The following NISCH variants were observed in gnomAD, a reference collection of about 807,000 sequenced individuals.
NISCH encodes the protein I-1 receptor candidate protein.
A neutral mutation model predicts 138.4 loss-of-function variants in NISCH; 55 were observed. The observed-to-expected ratio is 0.40, with a 90% confidence interval of 0.32 to 0.50. NISCH has a LOEUF of 0.50. Among genes scored for constraint, NISCH ranks in the 20% least tolerant of loss-of-function variants. The probability of loss-of-function intolerance (pLI) is 0.71; values close to 1 mark genes in which losing one functional copy is unlikely to be tolerated. For missense variants in NISCH, 1,643 were observed against 2,005.5 expected (o/e 0.82, Z 3.45); for synonymous variants, 860 against 861.5 (o/e 1.00, Z 0.03).
At chr3:52,459,072 C>T (rs1370536418) in intron 3 of NISCH, among the ~76,000 whole-genome samples, 1 of 152,196 alleles carries the variant, frequency 6.6e-6, no homozygotes, top group East Asian at 1.9e-4. Context: ...TTTCCTCCAC[C>T]ACAAGGCATT....
rs1333779828 is a variant in NISCH, at chr3:52,485,356, T to G, written c.1654-422T>G. On this transcript the variant is annotated intron_variant, in intron 14 of 20. Transcript: ENST00000345716. ...TTTCCAGGGTCACACAGCAAGAGAT[T>G]CCCAAGCCCTAGGTATTCCCCAGTG... 6.6e-5 allele frequency among the ~76,000 whole-genome samples: 10 copies of G among 152,284 alleles called. No individual in the cohort carries two copies. The East Asian group carries it at 1.5e-3, about 24-fold the overall frequency.
chr3:52,480,126 C>G lies in NISCH; in HGVS notation c.1417-58C>G, dbSNP rs543589593. 11 of 1,598,812 alleles carry G rather than the reference C, an allele frequency of 6.9e-6. No individual in the cohort carries two copies. The South Asian group carries it at 9.9e-5, about 14-fold the overall frequency. ...TGCGCTCCCTCCTCACACCCCTGGC[C>G]TTGGGGAGCTCTGTGCTTCCTCTTC... On this transcript the variant is annotated intron_variant, in intron 12 of 20. Coordinates refer to ENST00000345716, the MANE Select transcript of NISCH (RefSeq NM_007184.4).
chr3:52,481,901 A>T, intron 13 of NISCH: 1 of 985,486 alleles, frequency 1.0e-6, no homozygotes, highest in Non-Finnish European at 1.2e-6. Flanking sequence ...ATAAAACTGC[A>T]GTGGATGTCT....
rs377489314 is a variant in NISCH, at chr3:52,487,820, G to T, written c.2328G>T (p.Pro776=). ...TCACCGAGTTTGGCTTCCTCATGCCGGAGCTGTGTCTGGTGCTCAAGGTAC... is the reference window on the plus strand; with the variant it reads ...TCACCGAGTTTGGCTTCCTCATGCCTGAGCTGTGTCTGGTGCTCAAGGTAC... ...GDLTEFGFLM[P]ELCLVLKVRH... The change falls in exon 16 of 21, where the codon CCG becomes CCT. Residue 776 remains proline, a synonymous_variant. Coordinates refer to ENST00000345716, the MANE Select transcript of NISCH (RefSeq NM_007184.4). This position sits in a 1 kb window ranked among gnomAD's most constrained non-coding sequence, Gnocchi z 9.1. 11 of 1,613,212 alleles carry T rather than the reference G, an allele frequency of 6.8e-6. No individual in the cohort carries two copies. The Admixed American group carries it at 1.8e-4, about 27-fold the overall frequency.
chr3:52,471,429 C>T (rs929528), intron 4 of NISCH: 312,869 of 325,770 alleles, frequency 0.96, 150,333 homozygotes, highest in African/African-American at 0.99. Flanking sequence ...CTCTGCACCA[C>T]GCTGGCACCA....
chr3:52,477,487 G>A (rs151167324), intron 8 of NISCH, 87 bp from the exon 9 acceptor site: 78 of 1,127,802 alleles, frequency 6.9e-5, no homozygotes, highest in African/African-American at 5.8e-4. Flanking sequence ...GGGAGGAAGC[G>A]TCCTGGGGTG....
chr3:52,468,900 A>G (rs141958680), intron 3 of NISCH, among the ~76,000 whole-genome samples: 16 of 152,242 alleles, frequency 1.1e-4, no homozygotes, highest in Non-Finnish European at 1.9e-4. Flanking sequence ...GAAGTCATGA[A>G]GGATAAAAAA....
chr3:52,480,397 C>T, intron 13 of NISCH, 102 bp downstream of exon 13: 2 of 1,558,102 alleles, frequency 1.3e-6, no homozygotes, highest in East Asian at 2.4e-5. Context: ...CTGCTTCCAA[C>T]AGGGTCAGAC....
At chr3:52,486,176 C>A (rs775784389) in intron 15 of NISCH, among the ~76,000 whole-genome samples, 3 of 152,064 alleles carry the variant, frequency 2.0e-5, no homozygotes, top group Non-Finnish European at 2.9e-5. Context: ...GTGGCGTGTT[C>A]TTGGCTCACT....
chr3:52,462,298 C>G (rs1027952492), intron 3 of NISCH, among the ~76,000 whole-genome samples: 1 of 152,208 alleles, frequency 6.6e-6, no homozygotes, highest in Non-Finnish European at 1.5e-5. Flanking sequence ...GGAGCTGTCC[C>G]ATGCATTGTT....
intron 3 of NISCH, among the ~76,000 whole-genome samples, chr3:52,469,815 T>A (rs1209991714): frequency 6.6e-6 from 1 of 151,238 alleles, no homozygotes; most frequent in Non-Finnish European, 1.5e-5. Context: ...CTTGGGAGGC[T>A]GAGGCAGGAG....
Position 52,492,191 on chromosome 3 carries a change from C to T in NISCH, c.4224C>T (p.Asp1408=), listed in dbSNP as rs767215130. 2.0e-5 allele frequency: 33 copies of T among 1,612,932 alleles called. No individual in the cohort carries two copies. Among genetic ancestry groups the T allele is most frequent in the Middle Eastern group, 1.6e-4 (1 of 6,084 alleles). The stretch of plus-strand genomic sequence containing the variant: ...CGCAGAGAGACAGGTACCGGCTGGA[C>T]GATGGCCGCCGCGTCCGGGACCTGG... ...EPPQRDRYRL[D]DGRRVRDLDR... Residue 1408 remains aspartate, a synonymous_variant, in exon 21 of 21, where the codon GAC becomes GAT. Coordinates refer to ENST00000345716, the MANE Select transcript of NISCH (RefSeq NM_007184.4).
At chr3:52,476,769 C>G (rs1294203055) in intron 8 of NISCH, among the ~76,000 whole-genome samples, 170 bp downstream of exon 8, 1 of 152,192 alleles carries the variant, frequency 6.6e-6, no homozygotes, top group African/African-American at 2.4e-5. Context: ...CGTGGTGGGT[C>G]ACACCTGTAA....
chr3:52,485,997 G>C (rs80198343), intron 15 of NISCH, among the ~76,000 whole-genome samples, 170 bp downstream of exon 15: 4,320 of 152,302 alleles, frequency 0.028, 236 homozygotes, highest in African/African-American at 0.099. Flanking sequence ...TTTTCAATCT[G>C]TTTCCAAATT....
In NISCH at chr3:52,488,608, G is replaced by A. The variant is rs1255772584; in HGVS notation, c.3113+3G>A. On this transcript the variant is annotated splice_donor_region_variant and intron_variant, in intron 16 of 20. Transcript: ENST00000345716. ...CAGCCTGCCGAGCGCAGGGCCAGGTGAGATCAAGCACAGCTCTCAGGGGCC... is the reference window on the plus strand; with the variant it reads ...CAGCCTGCCGAGCGCAGGGCCAGGTAAGATCAAGCACAGCTCTCAGGGGCC... The A allele has an allele frequency of 4.4e-6, 7 of 1,605,632 alleles. No homozygotes were observed. Among genetic ancestry groups the A allele is most frequent in the East Asian group, 4.5e-5 (2 of 44,668 alleles).
intron 6 of NISCH, 30 bp downstream of exon 6, chr3:52,472,428 C>T (rs764759138): frequency 2.4e-5 from 38 of 1,557,246 alleles, no homozygotes; most frequent in African/African-American, 4.1e-5. Context: ...AGCATCCTCT[C>T]GCTCCCAACT....
At chr3:52,484,941 G>GTGGCC (rs1707368876) in intron 14 of NISCH, among the ~76,000 whole-genome samples, 1 of 152,086 alleles carries the variant, frequency 6.6e-6, no homozygotes, top group South Asian at 2.1e-4. Context: ...GGTGGAGAGG[G>GTGGCC]TGGCCCTTGA....
intron 13 of NISCH, 51 bp from the exon 14 acceptor site, chr3:52,484,462 T>TTGGGCG: frequency 6.7e-5 from 53 of 788,658 alleles, no homozygotes; most frequent in Non-Finnish European, 8.8e-5. Flanking sequence ...ACAGCCGCTC[T>TTGGGCG]CCCCGCCCCA....
At chr3:52,483,515 C>T (rs569449525) in intron 13 of NISCH, among the ~76,000 whole-genome samples, 8 of 152,350 alleles carry the variant, frequency 5.3e-5, no homozygotes, top group South Asian at 2.1e-4. Context: ...AGATAGGCTA[C>T]GTTCATAAAA....
Sources: allele counts gnomAD v4.1 joint callset (sites outside exome capture counted in the v4.1 genomes callset), GRCh38; gene constraint gnomAD v4.1.1; non-coding constraint Gnocchi (gnomAD v3.1); transcripts MANE v1.5; gene names NCBI Gene and HGNC (gene_info 2026-07-23, HGNC 2026-07-21).